Variants in DDB2 observed in about 807,000 individuals in gnomAD.
The protein encoded by DDB2 is DNA damage-binding protein 2.
A neutral mutation model predicts 50.5 loss-of-function variants in DDB2; 27 were observed. That is an observed-to-expected ratio of 0.53 (90% CI 0.39 to 0.74). The LOEUF is 0.74. DDB2 is among the 30% of genes least tolerant of loss of function. The pLI is 0.00. For missense variants in DDB2, 424 were observed against 545.6 expected (o/e 0.78, Z 2.22); for synonymous variants, 176 against 205.5 (o/e 0.86, Z 1.23).
chr11:47,215,031 G>A lies in DDB2; in HGVS notation c.-106G>A, dbSNP rs545940200. The stretch of plus-strand genomic sequence containing the variant: ...AAGTTGGCTTAGCTCGGCTACCTGT[G>A]GCCCCGCAGTTTTGTAGTCCCCGCC... On this transcript the variant is annotated 5_prime_UTR_variant, in exon 1 of 10. Coordinates refer to ENST00000256996, the MANE Select transcript of DDB2 (RefSeq NM_000107.3). The A allele has an allele frequency of 7.7e-6, 12 of 1,554,730 alleles. No homozygotes were observed. Among genetic ancestry groups the A allele is most frequent in the African/African-American group, 6.8e-5 (5 of 73,720 alleles).
chr11:47,234,502 G>A (rs1010762034), intron 4 of DDB2, 71 bp from the exon 5 acceptor site: 39 of 1,241,550 alleles, frequency 3.1e-5, no homozygotes, highest in South Asian at 4.8e-5. Context: ...GTTAGTCACC[G>A]GAGCGGCAAC....
intron 3 of DDB2, among the ~76,000 whole-genome samples, chr11:47,227,067 G>A (rs1234250339): frequency 8.3e-6 from 1 of 121,072 alleles, no homozygotes; most frequent in Non-Finnish European, 1.8e-5. Flanking sequence ...TTGTTGTTTT[G>A]TAGGGGTTCT....
chr11:47,238,850 G>C lies in DDB2; in HGVS notation c.*1G>C, dbSNP rs1318943407. 2 of 1,613,514 alleles carry C rather than the reference G, an allele frequency of 1.2e-6. No homozygotes were observed. The highest frequency in any genetic ancestry group is 1.1e-5 in the South Asian group (1 of 91,058). ...GGAGGAAGCCAGGACACGGAAGTGAGAGACACTAAAGAAGGTGTGGGCCAG... is the reference window on the plus strand; with the variant it reads ...GGAGGAAGCCAGGACACGGAAGTGACAGACACTAAAGAAGGTGTGGGCCAG... On this transcript the variant is annotated 3_prime_UTR_variant, in exon 10 of 10. Coordinates refer to ENST00000256996, the MANE Select transcript of DDB2 (RefSeq NM_000107.3).
intron 3 of DDB2, among the ~76,000 whole-genome samples, chr11:47,220,027 G>A (rs987200437): frequency 6.6e-6 from 1 of 152,124 alleles, no homozygotes; most frequent in Non-Finnish European, 1.5e-5. Context: ...CTGACCTCGT[G>A]ATCCGCCCGC....
intron 7 of DDB2, 30 bp from the exon 8 acceptor site, chr11:47,237,807 A>G (rs1197513937): frequency 1.2e-6 from 2 of 1,611,902 alleles, no homozygotes; most frequent in Non-Finnish European, 1.7e-6. Context: ...TTCTGTGTTT[A>G]CCCTCATGGC....
chr11:47,219,730 T>A (rs1451879838), intron 3 of DDB2, among the ~76,000 whole-genome samples: 1 of 152,206 alleles, frequency 6.6e-6, no homozygotes, highest in African/African-American at 2.4e-5. Flanking sequence ...ACTATTTTTC[T>A]AGCTCTGGTT....
Position 47,228,161 on chromosome 11 carries a change from G to A in DDB2, c.457-4653G>A, listed in dbSNP as rs77504910. 4.1e-3 allele frequency among the ~76,000 whole-genome samples: 561 copies of A among 136,850 alleles called. 1 individual carries two copies. Among genetic ancestry groups the A allele is most frequent in the Non-Finnish European group, 7.0e-3 (445 of 63,446 alleles). The allele number at this position is 136,850 out of a possible 152,430, so 89.8% of individuals were successfully genotyped here. A position where few individuals can be genotyped will look rare whatever the true frequency, so the allele number is the denominator to read the frequency against. On this transcript the variant is annotated intron_variant, in intron 3 of 9. Transcript: ENST00000256996. ...CTCAAAAAAAAAAAAAAAAAAAAAA[G>A]ATTATGCTGATTTCTGTGAATTGCT...
At chr11:47,237,734 C>T (rs1953753149) in intron 7 of DDB2, 103 bp from the exon 8 acceptor site, 3 of 1,268,228 alleles carry the variant, frequency 2.4e-6, no homozygotes, top group Non-Finnish European at 3.4e-6. Context: ...TGCACTCAGC[C>T]CAAAGAATAC....
At chr11:47,230,608 T>G (rs1247722996) in intron 3 of DDB2, among the ~76,000 whole-genome samples, 2 of 152,142 alleles carry the variant, frequency 1.3e-5, no homozygotes, top group African/African-American at 4.8e-5. Context: ...CAGCAAGCAT[T>G]TGGCAGACCA....
intron 3 of DDB2, among the ~76,000 whole-genome samples, chr11:47,229,625 T>C (rs2135503955): frequency 6.6e-6 from 1 of 152,262 alleles, no homozygotes; most frequent in African/African-American, 2.4e-5. Context: ...AAGGGAATTA[T>C]AAACATGGAA....
At chr11:47,234,735 T>G in intron 5 of DDB2, 22 bp from the exon 6 acceptor site, 1 of 1,614,048 alleles carries the variant, frequency 6.2e-7, no homozygotes, top group Non-Finnish European at 8.5e-7. Context: ...TGTCCCCACC[T>G]GAACCGAGCT....
chr11:47,234,681 T>C lies in DDB2; in HGVS notation c.702+9T>C, dbSNP rs777129573. 24 of 1,613,878 alleles carry C rather than the reference T, an allele frequency of 1.5e-5. No homozygotes were observed. In the South Asian group the frequency reaches 2.1e-4, roughly 14 times the overall value. ...ACATGGACGGCAAAGAGGTGCGTTC[T>C]CCGAGGTCCTGCCTTTCCCTCCCTC... On this transcript the variant is annotated intron_variant, in intron 5 of 9. Transcript: ENST00000256996.
rs777078182 is a variant in DDB2, at chr11:47,234,731, C to A, written c.703-26C>A. 2.5e-6 allele frequency: 4 copies of A among 1,613,924 alleles called. No homozygotes were observed. The African/African-American group carries it at 5.3e-5, about 22-fold the overall frequency. Reference sequence around the variant, plus strand: ...CACCCCCACCTCGGTTCTGTGTCCCCACCTGAACCGAGCTCTTCTCTGCAG... The same window carrying A: ...CACCCCCACCTCGGTTCTGTGTCCCAACCTGAACCGAGCTCTTCTCTGCAG... On this transcript the variant is annotated intron_variant, in intron 5 of 9. Transcript: ENST00000256996.
chr11:47,221,513 C>T (rs185930530), intron 3 of DDB2, among the ~76,000 whole-genome samples: 42 of 152,258 alleles, frequency 2.8e-4, no homozygotes, highest in Admixed American at 1.2e-3. Flanking sequence ...AGCACGATCT[C>T]GGCCCACTGC....
At chr11:47,219,372 A>AT (rs1953449818) in intron 3 of DDB2, among the ~76,000 whole-genome samples, 1 of 147,552 alleles carries the variant, frequency 6.8e-6, no homozygotes, top group Non-Finnish European at 1.5e-5. Flanking sequence ...ATTTTTTTTT[A>AT]TTTTTATTTT....
At chr11:47,236,929 T>C (rs1953733505) in intron 7 of DDB2, among the ~76,000 whole-genome samples, 1 of 152,256 alleles carries the variant, frequency 6.6e-6, no homozygotes, top group East Asian at 1.9e-4. Flanking sequence ...ATGTACTATT[T>C]CTTCCTTCCT....
intron 4 of DDB2, 49 bp from the exon 5 acceptor site, chr11:47,234,524 A>T (rs746985177): frequency 2.7e-6 from 4 of 1,493,338 alleles, no homozygotes; most frequent in Non-Finnish European, 3.7e-6. Context: ...GTGAGTAAAT[A>T]GGACTATCTC....
At chr11:47,216,232 C>T in intron 1 of DDB2, 104 bp from the exon 2 acceptor site, 2 of 1,554,936 alleles carry the variant, frequency 1.3e-6, no homozygotes, top group East Asian at 2.2e-5. Context: ...GGTGATGAGA[C>T]AGAGATTAAC....
intron 2 of DDB2, 142 bp downstream of exon 2, chr11:47,216,614 CA>C (rs1953404072): frequency 7.7e-7 from 1 of 1,292,978 alleles, no homozygotes; most frequent in Admixed American, 2.0e-5. Context: ...GCCTACTGGG[CA>C]CTCAGCCAGG....
Sources: allele counts gnomAD v4.1 joint callset (sites outside exome capture counted in the v4.1 genomes callset), GRCh38; gene constraint gnomAD v4.1.1; transcripts MANE v1.5; gene names NCBI Gene and HGNC (gene_info 2026-07-23, HGNC 2026-07-21).